Variants in ABLIM1 observed in about 807,000 individuals in gnomAD.
The protein encoded by ABLIM1 is actin-binding LIM protein 1.
A neutral mutation model predicts 107.0 loss-of-function variants in ABLIM1; 40 were observed. The ratio of observed to expected loss-of-function variants is 0.37; its 90% CI spans 0.29 to 0.49. ABLIM1 has a LOEUF of 0.49. Ranked by LOEUF, ABLIM1 falls within the 20% of genes least tolerant of loss-of-function variation. The pLI, the probability that ABLIM1 is intolerant of heterozygous loss-of-function variation, is 0.97. For synonymous variants in ABLIM1, 357 were observed against 357.3 expected (o/e 1.00, Z 0.01); for missense variants, 857 against 1,008.5 (o/e 0.85, Z 2.04).
At chr10:114,655,786 T>C (rs2079479402) in intron 1 of ABLIM1, among the ~76,000 whole-genome samples, 1 of 152,112 alleles carries the variant, frequency 6.6e-6, no homozygotes, top group African/African-American at 2.4e-5. Flanking sequence ...TAAAAAGGAA[T>C]GTGCCTGGAA....
intron 1 of ABLIM1, among the ~76,000 whole-genome samples, chr10:114,671,888 G>A (rs971556751): frequency 6.6e-6 from 1 of 152,014 alleles, no homozygotes; most frequent in Non-Finnish European, 1.5e-5. Context: ...TTAGAGACAG[G>A]TTCTCTCTCT....
chr10:114,553,551 G>A (rs529355105), intron 4 of ABLIM1, among the ~76,000 whole-genome samples: 12 of 152,320 alleles, frequency 7.9e-5, no homozygotes, highest in Admixed American at 5.9e-4. Context: ...AGAGTCAGCA[G>A]CGAGCTCTTC....
At chr10:114,708,060 T>G (rs2081463507) in intron 1 of ABLIM1, among the ~76,000 whole-genome samples, 1 of 152,112 alleles carries the variant, frequency 6.6e-6, no homozygotes, top group Admixed American at 6.5e-5. Flanking sequence ...ACAAAACAGG[T>G]GCAACTCAAC....
chr10:114,620,656 C>A (rs374680988), intron 1 of ABLIM1, among the ~76,000 whole-genome samples: 1 of 152,140 alleles, frequency 6.6e-6, no homozygotes, highest in South Asian at 2.1e-4. Context: ...AAGTGATCCG[C>A]CCACCTCAGC....
At chr10:114,511,189 T>C (rs907613998) in intron 6 of ABLIM1, among the ~76,000 whole-genome samples, 1 of 152,032 alleles carries the variant, frequency 6.6e-6, no homozygotes, top group South Asian at 2.1e-4. Flanking sequence ...ATAGAATCAA[T>C]TATACCTCAA....
chr10:114,464,184 ATTTTTTTT>A (rs1222001152), intron 12 of ABLIM1, among the ~76,000 whole-genome samples: 2 of 131,386 alleles, frequency 1.5e-5, no homozygotes, highest in African/African-American at 5.7e-5. Context: ...AGCATAAAGG[ATTTTTTTT>A]TTTTTTTTTT....
Position 114,707,902 on chromosome 10 carries a change from A to AAAAC in ABLIM1, c.-213+60155_-213+60158dup, listed in dbSNP as rs766111459. ...GGCGACAAGAGCAAAACTCCGTCTC[A>AAAAC]AAACAAACAAACAAACAAACAACAA... On this transcript the variant is annotated intron_variant, in intron 1 of 15. Coordinates refer to the ABLIM1 transcript ENST00000651092. The surrounding 1 kb of genome is among the most constrained non-coding windows in gnomAD (Gnocchi z 4.1). Among the ~76,000 whole-genome samples the AAAAC allele has an allele frequency of 2.4e-4, 36 of 151,626 alleles. No homozygotes were observed. Among genetic ancestry groups the AAAAC allele is most frequent in the African/African-American group, 6.8e-4 (28 of 40,982 alleles).
At chr10:114,545,356 A>C (rs2067191684) in intron 5 of ABLIM1, among the ~76,000 whole-genome samples, 1 of 152,076 alleles carries the variant, frequency 6.6e-6, no homozygotes, top group African/African-American at 2.4e-5. Context: ...ACCCTTGCCG[A>C]TTTTTTACTG....
chr10:114,762,626 C>T (rs1362373676), intron 1 of ABLIM1, among the ~76,000 whole-genome samples: 1 of 152,168 alleles, frequency 6.6e-6, no homozygotes, highest in African/African-American at 2.4e-5. Context: ...AACCACCTTC[C>T]CTCCTCACCC....
chr10:114,704,325 T>TAC (rs1591851821), intron 1 of ABLIM1, among the ~76,000 whole-genome samples: 3 of 88,844 alleles, frequency 3.4e-5, no homozygotes, highest in East Asian at 2.7e-4. Flanking sequence ...TATATATATA[T>TAC]ATATATATAT....
At chr10:114,439,819 C>T in intron 20 of ABLIM1, 1 of 538,764 alleles carries the variant, frequency 1.9e-6, no homozygotes, top group South Asian at 2.5e-5. Flanking sequence ...CCACTTCCAC[C>T]CCAGAGAGGA....
In ABLIM1 at chr10:114,432,704, G is replaced by A. The variant is rs182219175; in HGVS notation, c.*3556C>T. Reference sequence around the variant, plus strand: ...CTGAAAAAGAACTGCTCCAGCCTCTGCCTCAGAAGAGGAAACTCAGCTTGG... The same window carrying A: ...CTGAAAAAGAACTGCTCCAGCCTCTACCTCAGAAGAGGAAACTCAGCTTGG... On this transcript the variant is annotated 3_prime_UTR_variant, in exon 23 of 23. Coordinates refer to ENST00000533213, the MANE Select transcript of ABLIM1 (RefSeq NM_002313.7). The A allele has an allele frequency of 2.4e-4, 36 of 152,294 alleles. No homozygotes were observed. In the East Asian group the frequency reaches 6.2e-3, roughly 26 times the overall value. 9.4% of individuals were successfully genotyped at this position (152,294 alleles called of 1,614,324 possible).
At chr10:114,624,198 C>T (rs143374109) in intron 1 of ABLIM1, among the ~76,000 whole-genome samples, 30 of 152,328 alleles carry the variant, frequency 2.0e-4, no homozygotes, top group Non-Finnish European at 3.5e-4. Flanking sequence ...GATCACTGAA[C>T]CTTCTGAAAA....
rs1376734436 is a variant in ABLIM1 at position 114,448,003 on chromosome 10, T to C, written c.1612A>G (p.Ser538Gly). The stretch of plus-strand genomic sequence containing the variant: ...TTGATGATATCTTCTGAGGACTTGC[T>C]CTGGGCTGCCAAGGCAGCTGCATCT... ...YKQHAALAAQ[S>G]KSSEDIIKFS... The change falls in exon 15 of 23, where the codon AGC becomes GGC. Residue 538 changes from serine to glycine, a missense_variant. Around this residue, in one of 5 missense-constraint regions of ABLIM1, gnomAD observed 103 missense variants for 101.0 expected, o/e 1.02. Coordinates refer to ENST00000533213, the MANE Select transcript of ABLIM1 (RefSeq NM_002313.7). The C allele has an allele frequency of 1.2e-6, 2 of 1,614,072 alleles. No individual in the cohort carries two copies. The highest frequency in any genetic ancestry group is 2.7e-5 in the African/African-American group (2 of 74,926).
At chr10:114,492,967 T>C (rs2135184323) in intron 6 of ABLIM1, among the ~76,000 whole-genome samples, 1 of 152,302 alleles carries the variant, frequency 6.6e-6, no homozygotes, top group East Asian at 1.9e-4. Flanking sequence ...GTTATTTAAA[T>C]TAGAAGTTAG....
the ABLIM1 span, among the ~76,000 whole-genome samples, chr10:114,775,711 A>C: frequency 5.9e-5 from 9 of 152,218 alleles, no homozygotes; most frequent in Admixed American, 2.6e-4. Flanking sequence ...TTAAATTCTT[A>C]AGTGACAAGC....
intron 2 of ABLIM1, among the ~76,000 whole-genome samples, chr10:114,583,462 CACACACATATATATATATATATAT>C (rs2073801410): frequency 1.1e-4 from 1 of 9,094 alleles, no homozygotes; most frequent in African/African-American, 3.6e-4. Context: ...CACACACACA[CACACACATATATATATATATATAT>C]ATATATATAT....
At chr10:114,622,054 G>A (rs1348273204) in intron 1 of ABLIM1, among the ~76,000 whole-genome samples, 3 of 152,084 alleles carry the variant, frequency 2.0e-5, no homozygotes, top group African/African-American at 4.8e-5. Flanking sequence ...TGTCCCTCAA[G>A]TGGCACATGG....
At chr10:114,771,938 A>AT (rs1220962827), upstream of ABLIM1, among the ~76,000 whole-genome samples, 1 of 152,204 alleles carries the variant, frequency 6.6e-6, no homozygotes, top group Admixed American at 6.5e-5. Flanking sequence ...TTCTTTATTG[A>AT]TTTTTTAAAT....
Sources: allele counts gnomAD v4.1 joint callset (sites outside exome capture counted in the v4.1 genomes callset), GRCh38; gene constraint gnomAD v4.1.1; regional missense constraint gnomAD v4.1.1; non-coding constraint Gnocchi (gnomAD v3.1); transcripts MANE v1.5; gene names NCBI Gene and HGNC (gene_info 2026-07-23, HGNC 2026-07-21).